PPM1L: variants seen among roughly 807,000 people sequenced by gnomAD.
The protein encoded by PPM1L is protein phosphatase, Mg2+/Mn2+ dependent 1L.
Under a neutral mutation model 31.4 loss-of-function variants are expected in PPM1L, and 13 were observed. The ratio of observed to expected loss-of-function variants is 0.41; its 90% CI spans 0.27 to 0.66. PPM1L has a LOEUF of 0.66. Among genes scored for constraint, PPM1L ranks in the 30% least tolerant of loss-of-function variants. The probability of loss-of-function intolerance (pLI) is 0.29; values close to 1 mark genes in which losing one functional copy is unlikely to be tolerated. For synonymous variants in PPM1L, 184 were observed against 175.4 expected, an observed-to-expected ratio of 1.05 and a Z score of -0.39; for missense variants, 326 against 453.7, an observed-to-expected ratio of 0.72 and a Z score of 2.56.
At chr3:160,770,932 G>C (rs980706209) in intron 1 of PPM1L, among the ~76,000 whole-genome samples, 1 of 152,060 alleles carries the variant, frequency 6.6e-6, no homozygotes, top group Non-Finnish European at 1.5e-5. Context: ...GTCCTGAGTT[G>C]GTATAAGAGA....
chr3:160,882,714 T>C (rs908762308), intron 1 of PPM1L, among the ~76,000 whole-genome samples: 1 of 152,176 alleles, frequency 6.6e-6, no homozygotes, highest in Admixed American at 6.5e-5. Context: ...AGTATATAAA[T>C]GAAAAGTTTC....
At chr3:160,843,923 C>T (rs1713990460) in intron 1 of PPM1L, among the ~76,000 whole-genome samples, 1 of 152,118 alleles carries the variant, frequency 6.6e-6, no homozygotes, top group South Asian at 2.1e-4. Flanking sequence ...AAATGTGGTA[C>T]ATATACACCA....
At chr3:160,799,145 G>C (rs1443963632) in intron 1 of PPM1L, among the ~76,000 whole-genome samples, 4 of 152,212 alleles carry the variant, frequency 2.6e-5, no homozygotes, top group Admixed American at 2.6e-4. Context: ...AAGATGCTGT[G>C]AACATTGTTG....
intron 2 of PPM1L, among the ~76,000 whole-genome samples, chr3:161,044,250 G>A (rs909049194): frequency 6.6e-6 from 1 of 152,098 alleles, no homozygotes; most frequent in African/African-American, 2.4e-5. Flanking sequence ...ATGTTGGCCA[G>A]ACTGGTCTTG....
At chr3:160,784,790 G>A (rs975940840) in intron 1 of PPM1L, among the ~76,000 whole-genome samples, 8 of 152,148 alleles carry the variant, frequency 5.3e-5, no homozygotes, top group Non-Finnish European at 1.0e-4. Context: ...TCAATCAGTG[G>A]TCAGTTGGTT....
At chr3:160,944,990 CATATATATAACTATATATAACATAT>C (rs1559897535) in intron 1 of PPM1L, among the ~76,000 whole-genome samples, 3 of 27,196 alleles carry the variant, frequency 1.1e-4, no homozygotes, top group East Asian at 4.5e-4. Flanking sequence ...CTATATATAA[CATATATATAACTATATATAACATAT>C]ATATTATATA....
At chr3:160,954,452 C>G (rs1458813412) in intron 1 of PPM1L, among the ~76,000 whole-genome samples, 1 of 151,978 alleles carries the variant, frequency 6.6e-6, no homozygotes, top group African/African-American at 2.4e-5. Flanking sequence ...ACCTCCACCT[C>G]CCGGGGCTCA....
At chr3:160,830,414 G>C (rs552408806) in intron 1 of PPM1L, among the ~76,000 whole-genome samples, 1 of 152,184 alleles carries the variant, frequency 6.6e-6, no homozygotes, top group Admixed American at 6.5e-5. Context: ...GCATCCTAGT[G>C]GAGTCATTTG....
chr3:160,944,876 TA>T (rs1301046817), intron 1 of PPM1L, among the ~76,000 whole-genome samples: 1 of 26,706 alleles, frequency 3.7e-5, no homozygotes, highest in African/African-American at 9.7e-5. Context: ...ATGTTATATA[TA>T]ACATATATAT....
chr3:160,914,099 G>C (rs1020352145), intron 1 of PPM1L, among the ~76,000 whole-genome samples: 1 of 152,116 alleles, frequency 6.6e-6, no homozygotes, highest in South Asian at 2.1e-4. Context: ...AACACTTGGC[G>C]TAGACATTCT....
At chr3:160,977,672 A>G (rs535112126) in intron 2 of PPM1L, among the ~76,000 whole-genome samples, 2 of 151,786 alleles carry the variant, frequency 1.3e-5, no homozygotes, top group East Asian at 3.9e-4. Context: ...CATTCTTATA[A>G]TAATAATGTT....
intron 1 of PPM1L, among the ~76,000 whole-genome samples, chr3:160,775,762 A>T (rs1217192634): frequency 3.3e-5 from 5 of 152,232 alleles, no homozygotes; most frequent in Admixed American, 3.3e-4. Flanking sequence ...TGAGTTTTCA[A>T]ACGTAAGTGC....
At chr3:160,990,988 A>G (rs539072848) in intron 2 of PPM1L, among the ~76,000 whole-genome samples, 1 of 152,228 alleles carries the variant, frequency 6.6e-6, no homozygotes, top group East Asian at 1.9e-4. Context: ...TAGGGGTGCC[A>G]ATCTTTTGGC....
chr3:160,899,137 G>A (rs1166628897), intron 1 of PPM1L, among the ~76,000 whole-genome samples: 1 of 152,162 alleles, frequency 6.6e-6, no homozygotes, highest in East Asian at 1.9e-4. Context: ...AAGGAGGGAT[G>A]GAGGATTCAG....
chr3:161,006,427 T>C (rs1325495186), intron 2 of PPM1L, among the ~76,000 whole-genome samples: 1 of 152,168 alleles, frequency 6.6e-6, no homozygotes, highest in Non-Finnish European at 1.5e-5. Flanking sequence ...TAAAGATCTG[T>C]TATACAACCA....
intron 1 of PPM1L, among the ~76,000 whole-genome samples, chr3:160,847,331 A>G (rs968974203): frequency 6.6e-6 from 1 of 152,226 alleles, no homozygotes; most frequent in Non-Finnish European, 1.5e-5. Flanking sequence ...ATTTTAAAAC[A>G]TTGCTTAATG....
chr3:160,950,603 C>T (rs996818297), intron 1 of PPM1L, among the ~76,000 whole-genome samples: 3 of 152,196 alleles, frequency 2.0e-5, no homozygotes, highest in Middle Eastern at 3.2e-3. Context: ...TGGAGGTCCA[C>T]TCTAAAGAGC....
chr3:160,920,927 G>A (rs1261743182), intron 1 of PPM1L, among the ~76,000 whole-genome samples: 1 of 152,070 alleles, frequency 6.6e-6, no homozygotes, highest in Non-Finnish European at 1.5e-5. Flanking sequence ...TGAGACAGCA[G>A]CACAGTAGTG....
At chr3:160,962,001 A>G in intron 2 of PPM1L, 91 bp downstream of exon 2, 1 of 958,512 alleles carries the variant, frequency 1.0e-6, no homozygotes, top group Non-Finnish European at 1.5e-6. Flanking sequence ...TTAAGGGCAA[A>G]CTAGATTCAA....
Sources: gnomAD v4.1 joint callset for allele counts (sites outside exome capture counted in the v4.1 genomes callset) on GRCh38, gnomAD v4.1.1 for gene constraint, MANE v1.5 for transcripts, NCBI Gene and HGNC (gene_info 2026-07-23, HGNC 2026-07-21) for gene names.